Variants in SCNN1D observed in about 807,000 individuals in gnomAD.
SCNN1D encodes epithelial sodium channel subunit delta.
In SCNN1D, 104 loss-of-function variants were observed where a neutral mutation model predicts 87.8. That is an observed-to-expected ratio of 1.18 (90% confidence interval 1.01 to 1.39). The LOEUF (loss-of-function observed/expected upper bound fraction) is 1.39. Among genes scored for constraint, SCNN1D ranks in the 40% most tolerant of loss-of-function variants. The pLI is 0.00. For missense variants in SCNN1D, 1,324 were observed against 1,093.9 expected (o/e 1.21, Z -2.97); for synonymous variants, 628 against 481.2 (o/e 1.31, Z -3.99).
chr1:1,288,192 C>CGCTCCATCCCCCGTGTCTCT (rs1557584011), intron 12 of SCNN1D, among the ~76,000 whole-genome samples, 155 bp downstream of exon 12: 10 of 146,668 alleles, frequency 6.8e-5, no homozygotes, highest in African/African-American at 2.7e-4. Flanking sequence ...CCCGTGTCCC[C>CGCTCCATCCCCCGTGTCTCT]GCTCCATTCC....
Position 1,281,621 on chromosome 1 carries a change from C to T in SCNN1D, c.277+11C>T, listed in dbSNP as rs958044364. The stretch of plus-strand genomic sequence containing the variant: ...AGGGGTGTGGGACAGGTGACTGAAC[C>T]TCAGCCCTTAGAGGCCTTGCCCGGG... On this transcript the variant is annotated intron_variant, in intron 3 of 17. Transcript: ENST00000379116. 4 of 1,533,410 alleles carry T rather than the reference C, an allele frequency of 2.6e-6. No individual in the cohort carries two copies. Among genetic ancestry groups the T allele is most frequent in the African/African-American group, 1.4e-5 (1 of 72,986 alleles). 95.0% of individuals were successfully genotyped at this position (1,533,410 alleles called of 1,614,324 possible).
intron 1 of SCNN1D, chr1:1,280,980 G>GCT: frequency 3.4e-6 from 2 of 590,998 alleles, no homozygotes; most frequent in Non-Finnish European, 6.0e-6. Context: ...GGCCGAGGGG[G>GCT]CTCTGCCTGG....
Position 1,285,583 on chromosome 1 carries a change from T to A in SCNN1D, c.477T>A (p.Pro159=). The change falls in exon 6 of 18, where the codon CCT becomes CCA. Residue 159 remains proline, a synonymous_variant. Transcript: ENST00000379116. ...TGCCTTTGGGTAGATCGCCTGGGCC[T>A]GTGGCTCCCCAGAGGCCCTGCCACC... ...GGALTSRSPG[P]VAPQRPCHLK... 1 of 1,536,216 alleles carries A rather than the reference T, an allele frequency of 6.5e-7. No homozygotes were observed. Among genetic ancestry groups the A allele is most frequent in the Non-Finnish European group, 8.8e-7 (1 of 1,140,074 alleles).
chr1:1,286,822 C>T lies in SCNN1D; in HGVS notation c.966C>T (p.Asn322=), dbSNP rs752615360. The change falls in exon 8 of 18, where the codon AAC becomes AAT. Residue 322 remains asparagine, a synonymous_variant. Coordinates refer to ENST00000379116, the MANE Select transcript of SCNN1D (RefSeq NM_001130413.4). ...LELLDEFARE[N]IDSLYNVNLS... ...TGCTGGACGAGTTTGCCAGGGAGAACATTGACTCCCTGTACAACGTCAACC... is the reference window on the plus strand; with the variant it reads ...TGCTGGACGAGTTTGCCAGGGAGAATATTGACTCCCTGTACAACGTCAACC... 3.3e-5 allele frequency: 54 copies of T among 1,612,550 alleles called. No individual in the cohort carries two copies. The Middle Eastern group carries it at 6.6e-4, about 20-fold the overall frequency.
rs747166183 is a variant in SCNN1D at position 1,286,898 on chromosome 1, C to G, written c.1042C>G (p.Pro348Ala). 1.2e-6 allele frequency: 2 copies of G among 1,612,656 alleles called. No homozygotes were observed. Among genetic ancestry groups the G allele is most frequent in the East Asian group, 4.5e-5 (2 of 44,876 alleles). Residue 348 changes from proline (P) to alanine (A), a missense_variant, in exon 8 of 18, where the codon CCC (proline) becomes GCC (alanine). Coordinates refer to ENST00000379116, the MANE Select transcript of SCNN1D (RefSeq NM_001130413.4). ...LSATVPRHEPPFHLDREIRLQ... is the reference protein window; with the variant it reads ...LSATVPRHEPAFHLDREIRLQ... ...CGCCACTGTCCCCCGCCACGAGCCC[C>G]CCTTCCACCTGGACCGGGAGATCCG...
Position 1,287,252 on chromosome 1 carries a change from C to A in SCNN1D, c.1263C>A (p.Gly421=). ...AGGACAGCCACGGGAGCCAGGACGG[C>A]CACTTCGTCCTCTCCTGCAGTTACG... ...AWEDSHGSQD[G]HFVLSCSYDG... The change falls in exon 9 of 18, where the codon GGC becomes GGA. Residue 421 remains glycine (G), a synonymous_variant. Coordinates refer to ENST00000379116, the MANE Select transcript of SCNN1D (RefSeq NM_001130413.4). 6.2e-7 allele frequency: 1 copy of A among 1,610,260 alleles called. No homozygotes were observed. The highest frequency in any genetic ancestry group is 8.5e-7 in the Non-Finnish European group (1 of 1,178,798).
Position 1,291,620 on chromosome 1 carries a change from G to C in SCNN1D, c.*10G>C, listed in dbSNP as rs1170288461. ...GACTCTGGACACCTGAACCAGACCT[G>C]CCAGGGCTGTGCGATCTCTTGGCCT... On this transcript the variant is annotated 3_prime_UTR_variant, in exon 18 of 18. Coordinates refer to ENST00000379116, the MANE Select transcript of SCNN1D (RefSeq NM_001130413.4). The C allele has an allele frequency of 6.6e-7, 1 of 1,506,624 alleles. No homozygotes were observed. Among genetic ancestry groups the C allele is most frequent in the South Asian group, 1.3e-5 (1 of 76,736 alleles). The allele number at this position is 1,506,624 out of a possible 1,614,324, so 93.3% of individuals were successfully genotyped here.
rs369617858 is a variant in SCNN1D at position 1,288,184 on chromosome 1, C to T, written c.1662+147C>T. 1.6e-4 allele frequency: 98 copies of T among 629,856 alleles called. 1 individual carries two copies. Among genetic ancestry groups the T allele is most frequent in the Middle Eastern group, 4.3e-4 (1 of 2,336 alleles). The allele number at this position is 629,856 out of a possible 1,614,324, so 39.0% of individuals were successfully genotyped here. On this transcript the variant is annotated intron_variant, in intron 12 of 17. Transcript: ENST00000379116. Reference sequence around the variant, plus strand: ...CCGTGGAGGCCCGCACTCCATCCCCCGTGTCCCCGCTCCATTCCCTGTGTC... The same window carrying T: ...CCGTGGAGGCCCGCACTCCATCCCCTGTGTCCCCGCTCCATTCCCTGTGTC...
intron 6 of SCNN1D, 35 bp from the exon 7 acceptor site, chr1:1,285,891 C>G (rs1460063847): frequency 6.6e-7 from 1 of 1,514,428 alleles, no homozygotes; most frequent in Admixed American, 1.9e-5. Context: ...TGAGTGGGTG[C>G]AGGCCGGGCC....
chr1:1,285,608 C>T lies in SCNN1D; in HGVS notation c.502C>T (p.Leu168=). 1 of 1,546,566 alleles carries T rather than the reference C, an allele frequency of 6.5e-7. No homozygotes were observed. The highest frequency in any genetic ancestry group is 2.4e-5 in the East Asian group (1 of 40,852). ...TGTGGCTCCCCAGAGGCCCTGCCACCTGAAGGGATGGCAGCACAGACCCAC... is the reference window on the plus strand; with the variant it reads ...TGTGGCTCCCCAGAGGCCCTGCCACTTGAAGGGATGGCAGCACAGACCCAC... ...GPVAPQRPCH[L]KGWQHRPTQH... is the part of the protein sequence containing the mutation. The change falls in exon 6 of 18, where the codon CTG becomes TTG. Residue 168 remains leucine, a synonymous_variant. Coordinates refer to ENST00000379116, the MANE Select transcript of SCNN1D (RefSeq NM_001130413.4).
rs906204182 is a variant in SCNN1D, at chr1:1,282,240, A to T, written c.278-2A>T. The stretch of plus-strand genomic sequence containing the variant: ...CCAGTGACGAAGCTGTGATTCACAC[A>T]GGCCTGGGTGACTCCAGCATGGCTT... On this transcript the variant is annotated splice_acceptor_variant, in intron 3 of 17. Coordinates refer to ENST00000379116, the MANE Select transcript of SCNN1D (RefSeq NM_001130413.4). LOFTEE classifies it high-confidence loss of function. 2.3e-5 allele frequency: 34 copies of T among 1,469,430 alleles called. No homozygotes were observed. The highest frequency in any genetic ancestry group is 2.6e-5 in the Non-Finnish European group (28 of 1,073,500). 91.0% of individuals were successfully genotyped at this position (1,469,430 alleles called of 1,614,324 possible).
intron 12 of SCNN1D, among the ~76,000 whole-genome samples, chr1:1,288,484 T>C (rs1168473526): frequency 2.9e-4 from 32 of 109,702 alleles, no homozygotes; most frequent in Middle Eastern, 4.1e-3. Context: ...GTCCCGTGTC[T>C]CTGCTCCGTC....
rs117359452 is a variant in SCNN1D at position 1,290,562 on chromosome 1, C to T, written c.1859+7C>T. 86 of 1,612,576 alleles carry T rather than the reference C, an allele frequency of 5.3e-5. No individual in the cohort carries two copies. In the East Asian group the frequency reaches 1.2e-3, roughly 22 times the overall value. On this transcript the variant is annotated splice_region_variant and intron_variant, in intron 14 of 17. Coordinates refer to ENST00000379116, the MANE Select transcript of SCNN1D (RefSeq NM_001130413.4). ...GCTGCCCCAGGCCCTGCAGGTGAGACGGGGGTGTTGGGGTCGCGGCCAGGG... is the reference window on the plus strand; with the variant it reads ...GCTGCCCCAGGCCCTGCAGGTGAGATGGGGGTGTTGGGGTCGCGGCCAGGG...
At chr1:1,285,461 TG>T in intron 5 of SCNN1D, 109 bp from the exon 6 acceptor site, 2 of 725,354 alleles carry the variant, frequency 2.8e-6, no homozygotes, top group Non-Finnish European at 2.2e-6. Flanking sequence ...CAGGCCACAC[TG>T]GGGGCTGGGG....
rs1417532948 is a variant in SCNN1D at position 1,285,662 on chromosome 1, C to T, written c.556C>T (p.Gln186Ter). The T allele has an allele frequency of 1.3e-6, 2 of 1,539,000 alleles. No individual in the cohort carries two copies. Among genetic ancestry groups the T allele is most frequent in the Non-Finnish European group, 1.8e-6 (2 of 1,141,344 alleles). Residue 186 changes from glutamine to a stop codon, truncating the protein, a stop_gained and splice_region_variant, in exon 6 of 18, where the codon CAG becomes TAG. Coordinates refer to ENST00000379116, the MANE Select transcript of SCNN1D (RefSeq NM_001130413.4). LOFTEE classifies it high-confidence loss of function. Reference sequence around the variant, plus strand: ...GCACAACGCTGCCTGCAAACAGGGCCAGGTAGGGCCTGAGCACCCTGTTCT... The same window carrying T: ...GCACAACGCTGCCTGCAAACAGGGCTAGGTAGGGCCTGAGCACCCTGTTCT... ...TQHNAACKQG[Q>*]AAAQTPPRPG...
Position 1,281,396 on chromosome 1 carries a change from C to T in SCNN1D, c.78-15C>T. On this transcript the variant is annotated splice_polypyrimidine_tract_variant and intron_variant, in intron 2 of 17. Coordinates refer to ENST00000379116, the MANE Select transcript of SCNN1D (RefSeq NM_001130413.4). ...AGGGAGCCAGGGATGCCTGCCCGTCCCTTCTCTCATTCAGGCTCACCTGGT... is the reference window on the plus strand; with the variant it reads ...AGGGAGCCAGGGATGCCTGCCCGTCTCTTCTCTCATTCAGGCTCACCTGGT... 1 of 1,526,136 alleles carries T rather than the reference C, an allele frequency of 6.6e-7. No homozygotes were observed. The highest frequency in any genetic ancestry group is 8.8e-7 in the Non-Finnish European group (1 of 1,140,206). The allele number at this position is 1,526,136 out of a possible 1,614,324, so 94.5% of individuals were successfully genotyped here.
intron 9 of SCNN1D, 71 bp from the exon 10 acceptor site, chr1:1,287,437 T>C (rs1640620893): frequency 2.7e-6 from 4 of 1,489,518 alleles, no homozygotes; most frequent in Non-Finnish European, 3.6e-6. Flanking sequence ...GGGCAGGCCA[T>C]GGCCCCTCAG....
In SCNN1D at chr1:1,290,554, A is replaced by C. The variant is rs1457654717; in HGVS notation, c.1858A>C (p.Arg620=). The C allele has an allele frequency of 5.0e-6, 8 of 1,612,632 alleles. No individual in the cohort carries two copies. The highest frequency in any genetic ancestry group is 5.9e-6 in the Non-Finnish European group (7 of 1,179,892). Residue 620 remains arginine, a splice_region_variant and synonymous_variant, in exon 14 of 18, where the codon AGG becomes CGG. Transcript: ENST00000379116. ...TACCTCCCGCTGCCCCAGGCCCTGC[A>C]GGTGAGACGGGGGTGTTGGGGTCGC... The part of the protein sequence containing the change: ...PCTSRCPRPC[R]ESAFKLSTGT...
rs118046736 is a variant in SCNN1D at position 1,284,726 on chromosome 1, G to A, written c.464+636G>A. Reference sequence around the variant, plus strand: ...TGCAGATACTGCGTGTCCAGGCGCTGTGCATCCCGTGGGTTGGCCACATGG... The same window carrying A: ...TGCAGATACTGCGTGTCCAGGCGCTATGCATCCCGTGGGTTGGCCACATGG... On this transcript the variant is annotated intron_variant, in intron 5 of 17. Transcript: ENST00000379116. 3.9e-5 allele frequency among the ~76,000 whole-genome samples: 6 copies of A among 152,182 alleles called. No homozygotes were observed. The East Asian group carries it at 1.2e-3, about 29-fold the overall frequency.
Sources: gnomAD v4.1 joint callset for allele counts (sites outside exome capture counted in the v4.1 genomes callset) on GRCh38, gnomAD v4.1.1 for gene constraint, MANE v1.5 for transcripts, NCBI Gene and HGNC (gene_info 2026-07-23, HGNC 2026-07-21) for gene names.